Variants in SEM1 observed in about 807,000 individuals in gnomAD.
SEM1 encodes 26S proteasome complex subunit SEM1.
A neutral mutation model predicts 12.7 loss-of-function variants in SEM1; 3 were observed. The observed-to-expected ratio is 0.24, with a 90% CI of 0.11 to 0.61. The LOEUF is 0.61. SEM1 is among the 20% of genes least tolerant of loss of function. The pLI is 0.88. For synonymous variants in SEM1, 30 were observed against 27.8 expected (o/e 1.08, Z -0.25); for missense variants, 59 against 81.3 (o/e 0.73, Z 1.06).
chr7:96,699,694 A>G (rs1264094791), intron 1 of SEM1, among the ~76,000 whole-genome samples: 1 of 152,208 alleles, frequency 6.6e-6, no homozygotes, highest in Non-Finnish European at 1.5e-5. Flanking sequence ...CGCACTGTAC[A>G]TAACTGGAAG....
intron 2 of SEM1, among the ~76,000 whole-genome samples, chr7:96,667,156 A>C (rs1789191989): frequency 6.6e-6 from 1 of 152,156 alleles, no homozygotes; most frequent in Non-Finnish European, 1.5e-5. Flanking sequence ...TCGTTGCATA[A>C]ACATAGATAA....
intron 2 of SEM1, among the ~76,000 whole-genome samples, chr7:96,632,532 A>C (rs1485370593): frequency 2.6e-5 from 4 of 152,030 alleles, no homozygotes; most frequent in Non-Finnish European, 5.9e-5. Flanking sequence ...GGAGGGGAAC[A>C]TCACACACTG....
intron 2 of SEM1, among the ~76,000 whole-genome samples, chr7:96,563,484 A>G (rs991043195): frequency 6.6e-6 from 1 of 152,152 alleles, no homozygotes; most frequent in South Asian, 2.1e-4. Context: ...AGTCAATATG[A>G]CTATATTTTT....
downstream of SEM1, among the ~76,000 whole-genome samples, chr7:96,618,202 C>T (rs1001691095): frequency 2.0e-5 from 3 of 152,102 alleles, no homozygotes; most frequent in Admixed American, 1.3e-4. Flanking sequence ...GATTCAATCT[C>T]GCTATTTATT....
At chr7:96,572,045 C>A (rs969919954) in intron 2 of SEM1, among the ~76,000 whole-genome samples, 1 of 152,106 alleles carries the variant, frequency 6.6e-6, no homozygotes, top group Non-Finnish European at 1.5e-5. Context: ...TTATCCATTT[C>A]TTCTAAATTT....
At chr7:96,599,118 A>T (rs540398898) in intron 2 of SEM1, among the ~76,000 whole-genome samples, 1 of 152,268 alleles carries the variant, frequency 6.6e-6, no homozygotes, top group East Asian at 1.9e-4. Context: ...CTTAGAGCAG[A>T]GATTGCTTGC....
chr7:96,578,415 A>G (rs1806277085), intron 2 of SEM1, among the ~76,000 whole-genome samples: 1 of 152,180 alleles, frequency 6.6e-6, no homozygotes, highest in Admixed American at 6.5e-5. Context: ...TTTGATTGAG[A>G]CCATCAGAAG....
At chr7:96,677,178 T>G (rs935303425) in intron 2 of SEM1, among the ~76,000 whole-genome samples, 1 of 152,166 alleles carries the variant, frequency 6.6e-6, no homozygotes, top group Non-Finnish European at 1.5e-5. Context: ...AGGATGACAG[T>G]GCTTCACAGC....
chr7:96,605,210 A>G (rs951575896), intron 2 of SEM1, among the ~76,000 whole-genome samples: 72 of 152,204 alleles, frequency 4.7e-4, no homozygotes, highest in African/African-American at 1.6e-3. Context: ...GAGGAAGGTC[A>G]TCAGTTCCTT....
chr7:96,634,041 T>C (rs4729271), intron 2 of SEM1, among the ~76,000 whole-genome samples: 145,103 of 152,172 alleles, frequency 0.95, 69,557 homozygotes, highest in South Asian at 1. Flanking sequence ...AAATGCATGA[T>C]CTCTCCTTGT....
At chr7:96,586,615 A>T (rs994313430) in intron 2 of SEM1, among the ~76,000 whole-genome samples, 7 of 152,156 alleles carry the variant, frequency 4.6e-5, no homozygotes, top group African/African-American at 1.2e-4. Flanking sequence ...TCTATTCTCC[A>T]AAAACCACTT....
At chr7:96,693,760 T>TTGTGTGTGTGTGTGTGTGTGTGTGTGTG (rs566641071) in intron 2 of SEM1, among the ~76,000 whole-genome samples, 1 of 139,566 alleles carries the variant, frequency 7.2e-6, no homozygotes, top group African/African-American at 2.7e-5. Flanking sequence ...ACAATTCCAC[T>TTGTGTGTGTGTGTGTGTGTGTGTGTGTG]TGTGTGTGTG....
intron 2 of SEM1, among the ~76,000 whole-genome samples, chr7:96,528,187 T>C (rs1192297058): frequency 2.6e-5 from 4 of 152,130 alleles, no homozygotes; most frequent in Non-Finnish European, 5.9e-5. Flanking sequence ...ATTTGCCCAA[T>C]AATTTTGTGG....
At chr7:96,617,087 G>A (rs113689598) in intron 2 of SEM1, among the ~76,000 whole-genome samples, 10 of 152,054 alleles carry the variant, frequency 6.6e-5, no homozygotes, top group African/African-American at 1.9e-4. Flanking sequence ...CTGAAAAAAT[G>A]TCATTGGTAA....
upstream of SEM1, among the ~76,000 whole-genome samples, chr7:96,497,710 A>G (rs183016764): frequency 2.6e-5 from 4 of 152,316 alleles, no homozygotes; most frequent in Admixed American, 2.6e-4. Flanking sequence ...AGCAATTTTT[A>G]GACATTGGAC....
rs1802637207 is a variant in SEM1, at chr7:96,483,755, G to A, written c.*104C>T. 7 of 1,414,178 alleles carry A rather than the reference G, an allele frequency of 4.9e-6. No homozygotes were observed. The South Asian group carries it at 7.4e-5, about 15-fold the overall frequency. 87.6% of individuals were successfully genotyped at this position (1,414,178 alleles called of 1,614,324 possible). On this transcript the variant is annotated 3_prime_UTR_variant, in exon 4 of 4. Transcript: ENST00000356686. ...AAGCTAGGAAGTATAGTTCTACCAT[G>A]TGCCTTGAAGACAGAGAGCCAGGGA...
upstream of SEM1, among the ~76,000 whole-genome samples, chr7:96,497,442 A>G (rs1019073687): frequency 6.6e-6 from 1 of 152,196 alleles, no homozygotes; most frequent in South Asian, 2.1e-4. Flanking sequence ...GAAGAAAAAT[A>G]AAATGGTACA....
At chr7:96,655,434 G>A (rs1809146293) in intron 2 of SEM1, among the ~76,000 whole-genome samples, 1 of 145,794 alleles carries the variant, frequency 6.9e-6, no homozygotes, top group African/African-American at 2.6e-5. Context: ...TAAAATCAAT[G>A]CAAATACCTT....
At chr7:96,654,229 C>T (rs1372252336) in intron 2 of SEM1, among the ~76,000 whole-genome samples, 1 of 152,190 alleles carries the variant, frequency 6.6e-6, no homozygotes, top group Non-Finnish European at 1.5e-5. Flanking sequence ...CTCCACCTTT[C>T]ACTTAATTCT....
Sources: gnomAD v4.1 joint callset for allele counts (sites outside exome capture counted in the v4.1 genomes callset) on GRCh38, gnomAD v4.1.1 for gene constraint, MANE v1.5 for transcripts, NCBI Gene and HGNC (gene_info 2026-07-23, HGNC 2026-07-21) for gene names.